Variants in PCDHGA1 observed in about 807,000 individuals in gnomAD.
The protein encoded by PCDHGA1 is protocadherin gamma subfamily A, 1, also known as protocadherin gamma-A1.
In PCDHGA1, 32 loss-of-function variants were observed where a neutral mutation model predicts 58.0. The observed-to-expected ratio is 0.55, with a 90% CI of 0.42 to 0.74. PCDHGA1 has a LOEUF of 0.74. Ranked by LOEUF, PCDHGA1 falls within the 30% of genes least tolerant of loss-of-function variation. The pLI is 0.00. For missense variants in PCDHGA1, 1,205 were observed against 1,182.3 expected, an observed-to-expected ratio of 1.02 and a Z score of -0.28; for synonymous variants, 498 against 501.1, an observed-to-expected ratio of 0.99 and a Z score of 0.08.
At chr5:141,390,462 A>C in intron 1 of PCDHGA1, 1 of 732,308 alleles carries the variant, frequency 1.4e-6, no homozygotes, top group South Asian at 2.0e-5. Context: ...AAGTAGGAGC[A>C]ATTGTGTGGC....
chr5:141,365,240 C>T, intron 1 of PCDHGA1: 1 of 1,613,976 alleles, frequency 6.2e-7, no homozygotes, highest in Non-Finnish European at 8.5e-7. Context: ...AATCTCAACT[C>T]TACAATCACT....
chr5:141,435,855 G>A (rs1164301394), intron 1 of PCDHGA1, among the ~76,000 whole-genome samples: 1 of 152,006 alleles, frequency 6.6e-6, no homozygotes, highest in Non-Finnish European at 1.5e-5. Flanking sequence ...AGATACAATA[G>A]TTAAAACCCA....
intron 1 of PCDHGA1, among the ~76,000 whole-genome samples, chr5:141,454,829 A>T (rs2098803417): frequency 1.4e-5 from 1 of 70,192 alleles, no homozygotes. Context: ...TTTTTTTGAG[A>T]CAGAGTCGCG....
intron 1 of PCDHGA1, chr5:141,479,417 T>A (rs2099495481): frequency 6.6e-6 from 1 of 152,210 alleles, no homozygotes; most frequent in Non-Finnish European, 1.5e-5. Context: ...ACTATGCTGA[T>A]CAATTGATCA....
chr5:141,510,959 G>A lies in PCDHGA1; in HGVS notation c.2582G>A (p.Gly861Glu). 6.2e-7 allele frequency: 1 copy of A among 1,614,110 alleles called. No individual in the cohort carries two copies. Among genetic ancestry groups the A allele is most frequent in the Non-Finnish European group, 8.5e-7 (1 of 1,180,012 alleles). Residue 861 changes from glycine to glutamate, a missense_variant, in exon 4 of 4, where the codon GGG becomes GAG. Coordinates refer to ENST00000517417, the MANE Select transcript of PCDHGA1 (RefSeq NM_018912.3). ...TCTGTCTCTGCAGAAGCTGCTGATG[G>A]GAGCTCCACCCTGGGAGGGGGTGCC... ...ILASASEAADGSSTLGGGAGT... is the reference protein window; with the variant it reads ...ILASASEAADESSTLGGGAGT...
intron 1 of PCDHGA1, chr5:141,399,509 AC>A: frequency 6.2e-7 from 1 of 1,613,968 alleles, no homozygotes; most frequent in Non-Finnish European, 8.5e-7. Flanking sequence ...CCCGAAAACA[AC>A]CCTCCTGGGG....
intron 1 of PCDHGA1, chr5:141,370,427 AG>A (rs749504882): frequency 1.3e-4 from 212 of 1,590,086 alleles, no homozygotes; most frequent in Non-Finnish European, 1.7e-4. Flanking sequence ...GGGGCCCAGC[AG>A]GGCAGAGGCG....
intron 1 of PCDHGA1, among the ~76,000 whole-genome samples, chr5:141,434,700 G>A (rs1041657389): frequency 6.6e-6 from 1 of 151,780 alleles, no homozygotes; most frequent in Non-Finnish European, 1.5e-5. Context: ...TAATAAATAT[G>A]TGGGTAAATC....
chr5:141,459,259 G>T (rs996530664), intron 1 of PCDHGA1, among the ~76,000 whole-genome samples: 1 of 152,140 alleles, frequency 6.6e-6, no homozygotes, highest in Non-Finnish European at 1.5e-5. Context: ...ATAAATTAGT[G>T]TTGCCTCTTT....
chr5:141,415,123 G>A (rs1349224471), intron 1 of PCDHGA1: 3 of 1,613,540 alleles, frequency 1.9e-6, no homozygotes, highest in African/African-American at 1.3e-5. Context: ...CGTAGTGGCC[G>A]TCCAGGACCA....
Position 141,485,627 on chromosome 5 carries a change from T to C in PCDHGA1, c.2422-9180T>C. 3 of 1,612,072 alleles carry C rather than the reference T, an allele frequency of 1.9e-6. No individual in the cohort carries two copies. Among genetic ancestry groups the C allele is most frequent in the Non-Finnish European group, 2.5e-6 (3 of 1,178,530 alleles). On this transcript the variant is annotated intron_variant, in intron 1 of 3. Transcript: ENST00000517417. This position sits in a 1 kb window ranked among gnomAD's most constrained non-coding sequence, Gnocchi z 5.7. ...GGAGGCAGCTCCTCCAGGACAGCGT[T>C]TCCCGTTGGAAAAGGCTCAGGATGC...
intron 1 of PCDHGA1, among the ~76,000 whole-genome samples, chr5:141,438,641 C>T (rs1285585706): frequency 0.044 from 3,509 of 79,018 alleles, 123 homozygotes; most frequent in Non-Finnish European, 0.061. Flanking sequence ...TATATACACA[C>T]ACACACACAC....
At chr5:141,415,747 T>G (rs774746065) in intron 1 of PCDHGA1, 22 of 797,580 alleles carry the variant, frequency 2.8e-5, no homozygotes, top group Middle Eastern at 5.1e-4. Context: ...AAGGTTTTTT[T>G]TTTTTTTTTT....
chr5:141,415,750 T>G lies in PCDHGA1; in HGVS notation c.2422-79057T>G, dbSNP rs758016978. 309 of 1,313,170 alleles carry G rather than the reference T, an allele frequency of 2.4e-4. No individual in the cohort carries two copies. In the East Asian group the frequency reaches 2.9e-3, roughly 12 times the overall value. 81.3% of individuals were successfully genotyped at this position (1,313,170 alleles called of 1,614,324 possible). On this transcript the variant is annotated intron_variant, in intron 1 of 3. Coordinates refer to ENST00000517417, the MANE Select transcript of PCDHGA1 (RefSeq NM_018912.3). Reference sequence around the variant, plus strand: ...TTGATGTTTATTAAGGTTTTTTTTTTTTTTTTTTTTTTTTTTTTTTTTACT... The same window carrying G: ...TTGATGTTTATTAAGGTTTTTTTTTGTTTTTTTTTTTTTTTTTTTTTTACT...
Position 141,503,868 on chromosome 5 carries a change from G to A in PCDHGA1, c.2481-1525G>A, listed in dbSNP as rs928240898. Among the ~76,000 whole-genome samples, 24 of 152,202 alleles carry A rather than the reference G, an allele frequency of 1.6e-4. No individual in the cohort carries two copies. The South Asian group carries it at 4.1e-3, about 26-fold the overall frequency. ...TTGGAAAAATTGTAAAGCAGTTCTT[G>A]GTTGTGCTCACCCACCATGACAAAA... On this transcript the variant is annotated intron_variant, in intron 2 of 3. Coordinates refer to ENST00000517417, the MANE Select transcript of PCDHGA1 (RefSeq NM_018912.3).
rs17097297 is a variant in PCDHGA1 at position 141,426,366 on chromosome 5, G to C, written c.2422-68441G>C. 737 of 204,832 alleles carry C rather than the reference G, an allele frequency of 3.6e-3. 4 individuals are homozygous for C. The highest frequency in any genetic ancestry group is 0.015 in the African/African-American group (666 of 43,954). 12.7% of individuals were successfully genotyped at this position (204,832 alleles called of 1,614,324 possible). Reference sequence around the variant, plus strand: ...CTTTCCTGCTGCCTTTGTTCTGCGGGGCACCCTCGGAGCAGATCCGCTACT... The same window carrying C: ...CTTTCCTGCTGCCTTTGTTCTGCGGCGCACCCTCGGAGCAGATCCGCTACT... On this transcript the variant is annotated intron_variant, in intron 1 of 3. Transcript: ENST00000517417.
intron 1 of PCDHGA1, chr5:141,413,690 A>G (rs553462819): frequency 6.2e-7 from 1 of 1,613,702 alleles, no homozygotes; most frequent in Non-Finnish European, 8.5e-7. Flanking sequence ...AACTCCCTGC[A>G]GAGCTATCAG....
At chr5:141,502,400 C>T (rs964923206) in intron 2 of PCDHGA1, among the ~76,000 whole-genome samples, 2 of 151,748 alleles carry the variant, frequency 1.3e-5, no homozygotes, top group African/African-American at 4.8e-5. Flanking sequence ...AAAATGTCCC[C>T]GAACCTGGAT....
intron 1 of PCDHGA1, chr5:141,357,600 A>G (rs1397548733): frequency 6.2e-7 from 1 of 1,613,990 alleles, no homozygotes; most frequent in African/African-American, 1.3e-5. Context: ...TACTTGAAAC[A>G]AAAGGAGACC....
Sources: gnomAD v4.1 joint callset for allele counts (sites outside exome capture counted in the v4.1 genomes callset) on GRCh38, gnomAD v4.1.1 for gene constraint, Gnocchi (gnomAD v3.1) non-coding constraint, MANE v1.5 for transcripts, NCBI Gene and HGNC (gene_info 2026-07-23, HGNC 2026-07-21) for gene names.